LOC101059915: variants seen among roughly 807,000 people sequenced by gnomAD.
chrX:71,670,701 G>C, the LOC101059915 span: 7 of 1,108,706 alleles, frequency 6.3e-6, no homozygotes, highest in South Asian at 1.4e-4. Context: ...CAGCGGTGTC[G>C]TTCTGCAGGT....
the LOC101059915 span, chrX:71,669,716 G>A: frequency 1.0e-6 from 1 of 975,337 alleles, no homozygotes; most frequent in Non-Finnish European, 1.3e-6. Flanking sequence ...GCATCCTCCG[G>A]TGAGTCTTGC....
the LOC101059915 span, chrX:71,670,578 A>C: frequency 9.1e-7 from 1 of 1,097,211 alleles, no homozygotes; most frequent in Non-Finnish European, 1.2e-6. Flanking sequence ...GAATTGACTA[A>C]CCATTTCTTT....
At chrX:71,668,181 C>T in the LOC101059915 span, 17 of 1,126,097 alleles carry the variant, frequency 1.5e-5, no homozygotes, top group South Asian at 6.6e-5. Context: ...CCCCAGAAGG[C>T]GCCACTGCCA....
At chrX:71,667,811 C>G in the LOC101059915 span, 70 of 1,064,904 alleles carry the variant, frequency 6.6e-5, no homozygotes, top group Non-Finnish European at 8.1e-5. Context: ...GCCATGAGCT[C>G]CACGGATGAA....
chrX:71,670,598 G>T, the LOC101059915 span: 1 of 1,101,224 alleles, frequency 9.1e-7, no homozygotes, highest in Non-Finnish European at 1.2e-6. Context: ...TTCCACTGGT[G>T]TCTCCTGGGC....
At chrX:71,668,016 C>T in the LOC101059915 span, 19 of 1,164,688 alleles carry the variant, frequency 1.6e-5, no homozygotes, top group African/African-American at 2.5e-4. Context: ...AGTCTGAGAG[C>T]GAATTGATAG....
the LOC101059915 span, chrX:71,668,781 G>T: frequency 9.3e-7 from 1 of 1,070,757 alleles, no homozygotes; most frequent in Non-Finnish European, 1.2e-6. Flanking sequence ...CCCAGGAGAA[G>T]AAATCCCTAG....
At chrX:71,668,606 G>A in the LOC101059915 span, 17 of 1,087,310 alleles carry the variant, frequency 1.6e-5, no homozygotes, top group Middle Eastern at 3.6e-4. Flanking sequence ...TCTCCTCCCC[G>A]CAGACTCACC....
the LOC101059915 span, chrX:71,669,738 G>T: frequency 3.9e-5 from 38 of 974,198 alleles, no homozygotes; most frequent in East Asian, 1.4e-3. Context: ...GGTTTGATAG[G>T]GGTGGAGGGG....
At chrX:71,670,658 G>A in the LOC101059915 span, 1 of 1,116,060 alleles carries the variant, frequency 9.0e-7, no homozygotes, top group Non-Finnish European at 1.2e-6. Flanking sequence ...GACCAACTAG[G>A]TATGATGGAG....
chrX:71,670,135 A>T, the LOC101059915 span: 1 of 903,103 alleles, frequency 1.1e-6, no homozygotes, highest in South Asian at 2.3e-5. Flanking sequence ...AGGGTTGGAG[A>T]TGCTAGGCAG....
At chrX:71,671,339 T>C in the LOC101059915 span, 1 of 959,777 alleles carries the variant, frequency 1.0e-6, no homozygotes, top group Non-Finnish European at 1.4e-6. Context: ...ATCCCTGAGC[T>C]GCTCTGTTTC....
At chrX:71,668,776 G>A in the LOC101059915 span, 1 of 1,070,451 alleles carries the variant, frequency 9.3e-7, no homozygotes, top group East Asian at 3.5e-5. Context: ...GGTGGCCCAG[G>A]AGAAGAAATC....
chrX:71,670,720 T>C, the LOC101059915 span: 2 of 1,099,414 alleles, frequency 1.8e-6, no homozygotes, highest in Non-Finnish European at 2.4e-6. Flanking sequence ...GTGCTGGTGG[T>C]GGGGGTGGAC....
the LOC101059915 span, chrX:71,670,502 TG>T: frequency 9.3e-7 from 1 of 1,076,596 alleles, no homozygotes; most frequent in Non-Finnish European, 1.2e-6. Context: ...ACCTCACCAC[TG>T]GGCTGCAGGC....
the LOC101059915 span, chrX:71,670,213 A>G: frequency 1.2e-5 from 14 of 1,161,350 alleles, no homozygotes; most frequent in Non-Finnish European, 1.5e-5. Context: ...CGCCCTTTCC[A>G]CCTCACTGGG....
the LOC101059915 span, chrX:71,669,029 C>G: frequency 8.6e-7 from 1 of 1,160,319 alleles, no homozygotes; most frequent in Non-Finnish European, 1.1e-6. Context: ...GATGAGGTCC[C>G]AAGGGCCCAA....
the LOC101059915 span, chrX:71,670,195 C>T: frequency 8.7e-7 from 1 of 1,153,178 alleles, no homozygotes; most frequent in Non-Finnish European, 1.2e-6. Context: ...TCACTTTAGA[C>T]CCTGCTACGC....
the LOC101059915 span, chrX:71,668,291 C>T: frequency 5.3e-6 from 6 of 1,133,885 alleles, no homozygotes; most frequent in East Asian, 3.3e-5. Flanking sequence ...TCTGCCGGCC[C>T]TCTCCACCTC....
Sources: gnomAD v4.1 joint callset for allele counts on GRCh38, gnomAD v4.1.1 for gene constraint, MANE v1.5 for transcripts.